The following RERE variants were observed in gnomAD, a reference collection of about 807,000 sequenced individuals.
The protein encoded by RERE is arginine-glutamic acid dipeptide repeats, also known as arginine-glutamic acid dipeptide repeats protein.
A neutral mutation model predicts 146.1 loss-of-function variants in RERE; 40 were observed. The ratio of observed to expected loss-of-function variants is 0.27; its 90% CI spans 0.21 to 0.36. The LOEUF is 0.36. RERE is among the 10% of genes least tolerant of loss of function. The probability of loss-of-function intolerance (pLI) is 1.00; values close to 1 mark genes in which losing one functional copy is unlikely to be tolerated. For synonymous variants in RERE, 1,003 were observed against 866.0 expected (o/e 1.16, Z -2.78); for missense variants, 1,933 against 2,138.7 (o/e 0.90, Z 1.90).
intron 1 of RERE, among the ~76,000 whole-genome samples, chr1:8,657,713 G>A (rs1638355179): frequency 6.6e-6 from 1 of 152,128 alleles, no homozygotes; most frequent in Non-Finnish European, 1.5e-5. Context: ...TGGGCACAGT[G>A]GCACACGCCT....
intron 1 of RERE, among the ~76,000 whole-genome samples, chr1:8,799,923 C>T (rs930245399): frequency 6.6e-6 from 1 of 151,910 alleles, no homozygotes; most frequent in Non-Finnish European, 1.5e-5. Context: ...GCAATTTCTC[C>T]CTGCCTCAGC....
chr1:8,634,809 C>T lies in RERE; in HGVS notation c.326-10429G>A, dbSNP rs534816047. Among the ~76,000 whole-genome samples, 12 of 152,278 alleles carry T rather than the reference C, an allele frequency of 7.9e-5. No individual in the cohort carries two copies. The South Asian group carries it at 1.2e-3, about 16-fold the overall frequency. Reference sequence around the variant, plus strand: ...GGAGTGCAGTGGCGCGATCTCGGTTCACTGCAAGCTCCGCCTCCCAGGTTC... The same window carrying T: ...GGAGTGCAGTGGCGCGATCTCGGTTTACTGCAAGCTCCGCCTCCCAGGTTC... On this transcript the variant is annotated intron_variant, in intron 2 of 22. Transcript: ENST00000400908.
chr1:8,576,936 G>A (rs903840659), intron 4 of RERE, among the ~76,000 whole-genome samples: 10 of 152,112 alleles, frequency 6.6e-5, no homozygotes, highest in South Asian at 2.1e-4. Context: ...GTGGGAGGCC[G>A]AGGCAGGCAG....
intron 8 of RERE, among the ~76,000 whole-genome samples, chr1:8,507,688 C>T (rs369847272): frequency 2.6e-5 from 4 of 151,388 alleles, no homozygotes; most frequent in South Asian, 2.1e-4. Flanking sequence ...GGATTATAGG[C>T]GAGAGCCACC....
intron 4 of RERE, among the ~76,000 whole-genome samples, chr1:8,611,685 A>T (rs1364008862): frequency 6.6e-6 from 1 of 152,330 alleles, no homozygotes; most frequent in African/African-American, 2.4e-5. Context: ...TCTTCTAGTG[A>T]GGAAGAGGAT....
At chr1:8,526,880 C>T (rs1645577165) in intron 7 of RERE, among the ~76,000 whole-genome samples, 1 of 152,124 alleles carries the variant, frequency 6.6e-6, no homozygotes, top group African/African-American at 2.4e-5. Flanking sequence ...TTTCCACTTA[C>T]AAACTAAGAG....
intron 2 of RERE, among the ~76,000 whole-genome samples, chr1:8,640,815 TTACAA>T (rs1228532291): frequency 3.3e-5 from 5 of 152,224 alleles, no homozygotes; most frequent in Non-Finnish European, 7.3e-5. Flanking sequence ...TCTCTGGTAC[TTACAA>T]TACGCATTAT....
intron 1 of RERE, among the ~76,000 whole-genome samples, chr1:8,682,619 G>A (rs1638996796): frequency 1.3e-5 from 2 of 152,152 alleles, no homozygotes; most frequent in African/African-American, 4.8e-5. Context: ...GCCTTCCAAT[G>A]TATAGGTGGT....
chr1:8,785,671 G>C (rs1025820373), intron 1 of RERE, among the ~76,000 whole-genome samples: 1 of 152,148 alleles, frequency 6.6e-6, no homozygotes, highest in African/African-American at 2.4e-5. Context: ...CCCCAGGCTG[G>C]AGTGTGATGG....
intron 10 of RERE, among the ~76,000 whole-genome samples, chr1:8,482,681 CAAAAAAAAAA>C (rs35501735): frequency 0.084 from 4,323 of 51,312 alleles, 232 homozygotes; most frequent in African/African-American, 0.2. Flanking sequence ...GATTCTGTTG[CAAAAAAAAAA>C]AAAAAAAAAA....
Position 8,360,467 on chromosome 1 carries a change from G to GGGGGGGGGGGGGC in RERE, c.3039_3040insGCCCCCCCCCCCC (p.Pro1014AlafsTer93). 1 of 591,154 alleles carries GGGGGGGGGGGGGC rather than the reference G, an allele frequency of 1.7e-6. No homozygotes were observed. Among genetic ancestry groups the GGGGGGGGGGGGGC allele is most frequent in the Non-Finnish European group, 2.6e-6 (1 of 379,750 alleles). 36.6% of individuals were successfully genotyped at this position (591,154 alleles called of 1,614,324 possible). ...GGGGGGTGGGAGGCAGGGGGCGGGG[G>GGGGGGGGGGGGGC]CAGGTTCTGGCTCTGGGTCAGCCCG... On this transcript the variant is annotated frameshift_variant, in exon 18 of 23. Transcript: ENST00000400908. LOFTEE classifies it high-confidence loss of function.
chr1:8,543,669 T>C (rs1042295339), intron 6 of RERE, among the ~76,000 whole-genome samples: 3 of 152,182 alleles, frequency 2.0e-5, no homozygotes. Context: ...GTCCTGTACA[T>C]TGTAGGATAT....
intron 4 of RERE, among the ~76,000 whole-genome samples, chr1:8,580,870 T>C (rs1646356139): frequency 6.6e-6 from 1 of 152,020 alleles, no homozygotes; most frequent in South Asian, 2.1e-4. Flanking sequence ...TTTATTTTTG[T>C]TTTTGTAGAG....
intron 1 of RERE, among the ~76,000 whole-genome samples, chr1:8,740,555 T>C (rs149019417): frequency 5.9e-5 from 9 of 152,364 alleles, no homozygotes; most frequent in Non-Finnish European, 1.2e-4. Flanking sequence ...TTAAAACTTT[T>C]TGACTCTTAA....
chr1:8,396,222 C>A (rs1643051589), intron 12 of RERE, among the ~76,000 whole-genome samples: 1 of 152,132 alleles, frequency 6.6e-6, no homozygotes, highest in African/African-American at 2.4e-5. Context: ...CACTTGGGGT[C>A]CATTCTGGGG....
At chr1:8,554,866 C>CCAG (rs1645985834) in intron 6 of RERE, among the ~76,000 whole-genome samples, 1 of 151,262 alleles carries the variant, frequency 6.6e-6, no homozygotes, top group African/African-American at 2.4e-5. Context: ...GATTAAGTCA[C>CCAG]TGGTCCCAGC....
At chr1:8,768,783 T>G (rs927475778) in intron 1 of RERE, among the ~76,000 whole-genome samples, 1 of 152,210 alleles carries the variant, frequency 6.6e-6, no homozygotes, top group Non-Finnish European at 1.5e-5. Context: ...TTTGGTTCTA[T>G]TCTCATAATA....
intron 11 of RERE, among the ~76,000 whole-genome samples, chr1:8,438,377 A>G (rs1644199431): frequency 6.6e-6 from 1 of 152,230 alleles, no homozygotes; most frequent in Admixed American, 6.5e-5. Flanking sequence ...GACCTACTAA[A>G]ACATCTGTTA....
chr1:8,686,780 G>T (rs552271849), intron 1 of RERE, among the ~76,000 whole-genome samples: 1 of 152,260 alleles, frequency 6.6e-6, no homozygotes, highest in South Asian at 2.1e-4. Context: ...AGTTTGTGAT[G>T]AAGACAAGTA....
Sources: gnomAD v4.1 joint callset for allele counts (sites outside exome capture counted in the v4.1 genomes callset) on GRCh38, gnomAD v4.1.1 for gene constraint, MANE v1.5 for transcripts, NCBI Gene and HGNC (gene_info 2026-07-23, HGNC 2026-07-21) for gene names.